Variants in AKAP7 observed in about 807,000 individuals in gnomAD.
The protein encoded by AKAP7 is A-kinase anchoring protein 7, also known as A kinase (PRKA) anchor protein 7.
A neutral mutation model predicts 39.5 loss-of-function variants in AKAP7; 39 were observed. The ratio of observed to expected loss-of-function variants is 0.99; its 90% CI spans 0.76 to 1.29. The LOEUF is 1.29. AKAP7 is among the 50% of genes most tolerant of loss of function. The pLI, the probability that AKAP7 is intolerant of heterozygous loss-of-function variation, is 0.00. For missense variants in AKAP7, 414 were observed against 407.7 expected, an observed-to-expected ratio of 1.02 and a Z score of -0.13; for synonymous variants, 140 against 139.1, an observed-to-expected ratio of 1.01 and a Z score of -0.05.
chr6:131,235,192 AT>A (rs1382144141), intron 7 of AKAP7, among the ~76,000 whole-genome samples: 1 of 152,166 alleles, frequency 6.6e-6, no homozygotes, highest in African/African-American at 2.4e-5. Context: ...TTTGCTGAGA[AT>A]GATGGTTTCC....
At chr6:131,144,301 C>A (rs536941515) in intron 1 of AKAP7, among the ~76,000 whole-genome samples, 4 of 152,014 alleles carry the variant, frequency 2.6e-5, no homozygotes, top group African/African-American at 9.7e-5. Flanking sequence ...GGGGTCGTGG[C>A]GGGGCAGAGG....
chr6:131,189,597 A>T (rs1562198142), intron 5 of AKAP7, among the ~76,000 whole-genome samples: 1 of 152,128 alleles, frequency 6.6e-6, no homozygotes, highest in Non-Finnish European at 1.5e-5. Context: ...TTATTATGTA[A>T]ATTTATTGCT....
chr6:131,199,591 T>C lies in AKAP7; in HGVS notation c.702+18T>C, dbSNP rs771833703. The C allele has an allele frequency of 1.9e-6, 3 of 1,543,584 alleles. No homozygotes were observed. The African/African-American group carries it at 4.1e-5, about 21-fold the overall frequency. On this transcript the variant is annotated intron_variant, in intron 6 of 7. Coordinates refer to ENST00000431975, the MANE Select transcript of AKAP7 (RefSeq NM_016377.4). ...GTAAGAATGTGAGTGCATGTTCTTA[T>C]TGCAAGCCTGTTTTACCAGGCCACA...
At chr6:131,137,022 C>T (rs1800605615) in intron 1 of AKAP7, among the ~76,000 whole-genome samples, 1 of 152,142 alleles carries the variant, frequency 6.6e-6, no homozygotes, top group South Asian at 2.1e-4. Flanking sequence ...AGTGCACTGG[C>T]GCGATCATGG....
intron 7 of AKAP7, among the ~76,000 whole-genome samples, chr6:131,246,161 G>T (rs1466579081): frequency 6.6e-6 from 1 of 151,366 alleles, no homozygotes; most frequent in African/African-American, 2.4e-5. Context: ...ACAGAGAATA[G>T]AGCTTTTGGT....
At chr6:131,183,500 C>A (rs1805494829) in intron 5 of AKAP7, among the ~76,000 whole-genome samples, 1 of 152,156 alleles carries the variant, frequency 6.6e-6, no homozygotes, top group African/African-American at 2.4e-5. Context: ...AAAACAGGCA[C>A]ATTACCCATC....
intron 7 of AKAP7, among the ~76,000 whole-genome samples, chr6:131,260,646 G>A (rs2128326104): frequency 6.6e-6 from 1 of 152,054 alleles, no homozygotes; most frequent in South Asian, 2.1e-4. Flanking sequence ...TTTTTAATGG[G>A]GTGGTTTGTT....
At chr6:131,133,199 G>A (rs1057260679), upstream of AKAP7, among the ~76,000 whole-genome samples, 5 of 152,142 alleles carry the variant, frequency 3.3e-5, no homozygotes, top group African/African-American at 1.2e-4. Flanking sequence ...CTAAGGAATT[G>A]CGTACTTGTC....
chr6:131,154,326 T>C (rs1164685746), intron 2 of AKAP7, among the ~76,000 whole-genome samples: 1 of 152,182 alleles, frequency 6.6e-6, no homozygotes, highest in Non-Finnish European at 1.5e-5. Flanking sequence ...GTCTCAATCT[T>C]GAATCCATTA....
chr6:131,220,801 T>C (rs1393568501), intron 7 of AKAP7, among the ~76,000 whole-genome samples: 3 of 152,202 alleles, frequency 2.0e-5, no homozygotes, highest in African/African-American at 4.8e-5. Context: ...ATATCTGTTA[T>C]GGTGATCAGT....
chr6:131,250,261 C>T lies in AKAP7; in HGVS notation c.850+30453C>T, dbSNP rs920758659. The T allele has an allele frequency of 4.3e-6, 5 of 1,167,076 alleles. No homozygotes were observed. In the Admixed American group the frequency reaches 1.2e-4, roughly 28 times the overall value. 72.3% of individuals were successfully genotyped at this position (1,167,076 alleles called of 1,614,324 possible). On this transcript the variant is annotated intron_variant, in intron 7 of 7. Transcript: ENST00000431975. ...AGCCAGACAGAACACATGGCACTGACCTATGGCCAGGGACTCACAGTTTTG... is the reference window on the plus strand; with the variant it reads ...AGCCAGACAGAACACATGGCACTGATCTATGGCCAGGGACTCACAGTTTTG...
chr6:131,228,412 A>C (rs1040393561), intron 7 of AKAP7, among the ~76,000 whole-genome samples: 4 of 152,038 alleles, frequency 2.6e-5, no homozygotes, highest in Non-Finnish European at 5.9e-5. Context: ...CCTTTTTTTT[A>C]GTTTGCTTTT....
chr6:131,269,392 A>C (rs1200530445), intron 7 of AKAP7, among the ~76,000 whole-genome samples: 1 of 152,166 alleles, frequency 6.6e-6, no homozygotes, highest in African/African-American at 2.4e-5. Context: ...TGCACCTCTC[A>C]ATCAGTTCTG....
intron 7 of AKAP7, among the ~76,000 whole-genome samples, chr6:131,225,202 A>G (rs993159986): frequency 6.6e-6 from 1 of 152,098 alleles, no homozygotes; most frequent in African/African-American, 2.4e-5. Flanking sequence ...TTGGGAATGA[A>G]TTCTTGTAGT....
rs114916526 is a variant in AKAP7, at chr6:131,195,954, A to G, written c.590-3507A>G. ...TTGAATTAAATCTGCATGGTGTTCT[A>G]TAACCTTCTTGTACTTGAATATTGA... On this transcript the variant is annotated intron_variant, in intron 5 of 7. Coordinates refer to ENST00000431975, the MANE Select transcript of AKAP7 (RefSeq NM_016377.4). Among the ~76,000 whole-genome samples the G allele has an allele frequency of 9.1e-3, 1,380 of 152,220 alleles. 17 individuals carry two copies. Among genetic ancestry groups the G allele is most frequent in the African/African-American group, 0.029 (1,218 of 41,544 alleles).
intron 7 of AKAP7, among the ~76,000 whole-genome samples, chr6:131,265,863 G>A (rs946855172): frequency 1.2e-4 from 19 of 152,284 alleles, no homozygotes; most frequent in Middle Eastern, 3.4e-3. Context: ...TGTGTGGGGG[G>A]AAAACCCAGG....
At chr6:131,204,503 T>C (rs1807906304) in intron 6 of AKAP7, among the ~76,000 whole-genome samples, 1 of 152,244 alleles carries the variant, frequency 6.6e-6, no homozygotes. Context: ...CATCGCATTT[T>C]AGAGGTAAAA....
At chr6:131,139,707 T>C (rs758104971) in intron 1 of AKAP7, among the ~76,000 whole-genome samples, 18 of 152,230 alleles carry the variant, frequency 1.2e-4, no homozygotes, top group African/African-American at 3.6e-4. Flanking sequence ...GAGCACCTAT[T>C]GTGAGCTGAA....
intron 7 of AKAP7, among the ~76,000 whole-genome samples, chr6:131,262,331 T>G (rs1813415246): frequency 6.6e-6 from 1 of 152,100 alleles, no homozygotes; most frequent in Admixed American, 6.6e-5. Flanking sequence ...AATAAGTGAG[T>G]TGAGTCCCAG....
Sources: gnomAD v4.1 joint callset for allele counts (sites outside exome capture counted in the v4.1 genomes callset) on GRCh38, gnomAD v4.1.1 for gene constraint, MANE v1.5 for transcripts, NCBI Gene and HGNC (gene_info 2026-07-23, HGNC 2026-07-21) for gene names.